The following LYSMD1 variants were observed in gnomAD, a reference collection of about 807,000 sequenced individuals.
LYSMD1 encodes lysM and putative peptidoglycan-binding domain-containing protein 1.
In LYSMD1, 9 loss-of-function variants were observed where a neutral mutation model predicts 19.3. The ratio of observed to expected loss-of-function variants is 0.47; its 90% CI spans 0.28 to 0.81. The LOEUF is 0.81. Ranked by LOEUF, LYSMD1 falls within the 40% of genes least tolerant of loss-of-function variation. LYSMD1 has a pLI of 0.11. For synonymous variants in LYSMD1, 111 were observed against 111.7 expected (o/e 0.99, Z 0.04); for missense variants, 262 against 279.8 (o/e 0.94, Z 0.45).
At position 151,165,084 on chromosome 1, in the gene LYSMD1, C is replaced by G; in HGVS notation, c.175G>C (p.Val59Leu). ...TLAGLALKYG[V>L]TMEQIKRANR... The stretch of plus-strand genomic sequence containing the variant: ...CCCAATCCTGGAAAACTCACCGTCA[C>G]CCCATATTTGAGTGCTAGTCCAGCC... Residue 59 changes from valine to leucine, a missense_variant, in exon 1 of 3, where the codon GTG (valine) becomes CTG (leucine). Coordinates refer to ENST00000368908, the MANE Select transcript of LYSMD1 (RefSeq NM_212551.5). The G allele has an allele frequency of 6.2e-7, 1 of 1,613,898 alleles. No individual in the cohort carries two copies. The highest frequency in any genetic ancestry group is 8.5e-7 in the Non-Finnish European group (1 of 1,179,826).
chr1:151,158,762 C>T (rs777732715), downstream of LYSMD1: 25 of 1,613,494 alleles, frequency 1.5e-5, no homozygotes, highest in East Asian at 2.0e-4. Flanking sequence ...AGTAAGATGG[C>T]GGGTCGCTCT....
At chr1:151,163,980 C>G (rs587757267) in intron 1 of LYSMD1, among the ~76,000 whole-genome samples, 1 of 151,710 alleles carries the variant, frequency 6.6e-6, no homozygotes, top group Non-Finnish European at 1.5e-5. Flanking sequence ...CGCAACCTCC[C>G]CCTCCTGGGT....
At chr1:151,158,997 G>A (rs1683337092), downstream of LYSMD1, 9 of 1,614,280 alleles carry the variant, frequency 5.6e-6, no homozygotes, top group Non-Finnish European at 6.8e-6. Flanking sequence ...GTGCCATGAC[G>A]GCACTTAGCT....
downstream of LYSMD1, among the ~76,000 whole-genome samples, chr1:151,154,832 G>A (rs1243454770): frequency 6.6e-6 from 1 of 152,068 alleles, no homozygotes; most frequent in African/African-American, 2.4e-5. Context: ...TTTTAGTAGA[G>A]ATGGGGTTTC....
At position 151,162,003 on chromosome 1, in the gene LYSMD1, A is replaced by G. The variant is rs755982668; in HGVS notation, c.278T>C (p.Leu93Pro). The change falls in exon 2 of 3, where the codon CTG becomes CCG. Residue 93 changes from leucine (L) to proline (P), a missense_variant. Transcript: ENST00000368908. ...TTCCTCAGAGTCCAAACCATTGAACAGGTCTCTGGGCTCTGTCAGGATGGG... is the reference window on the plus strand; with the variant it reads ...TTCCTCAGAGTCCAAACCATTGAACGGGTCTCTGGGCTCTGTCAGGATGGG... The part of the protein sequence containing the change: ...YIPILTEPRD[L>P]FNGLDSEEEK... 1 of 1,613,900 alleles carries G rather than the reference A, an allele frequency of 6.2e-7. No individual in the cohort carries two copies. Among genetic ancestry groups the G allele is most frequent in the African/African-American group, 1.3e-5 (1 of 74,882 alleles).
chr1:151,164,655 A>G (rs1267538551), intron 1 of LYSMD1, among the ~76,000 whole-genome samples: 1 of 152,208 alleles, frequency 6.6e-6, no homozygotes, highest in East Asian at 1.9e-4. Flanking sequence ...GTAAACGTTT[A>G]ATCACTCTCA....
At chr1:151,157,342 G>A (rs1683258987), downstream of LYSMD1, among the ~76,000 whole-genome samples, 1 of 152,226 alleles carries the variant, frequency 6.6e-6, no homozygotes, top group African/African-American at 2.4e-5. Flanking sequence ...TTGGTTTGGG[G>A]GAGAGGGCGA....
In LYSMD1 at chr1:151,163,414, A is replaced by G. The variant is rs587600010; in HGVS notation, c.181-1314T>C. 2.6e-5 allele frequency among the ~76,000 whole-genome samples: 4 copies of G among 152,230 alleles called. No individual in the cohort carries two copies. In the South Asian group the frequency reaches 8.3e-4, roughly 32 times the overall value. On this transcript the variant is annotated intron_variant, in intron 1 of 2. Coordinates refer to ENST00000368908, the MANE Select transcript of LYSMD1 (RefSeq NM_212551.5). ...CATCCTACAGACCTTGACACATAGC[A>G]GGGGCTCATTAATGCTTTATTTAAA...
chr1:151,156,917 C>G (rs947444389), downstream of LYSMD1, among the ~76,000 whole-genome samples: 1 of 152,022 alleles, frequency 6.6e-6, no homozygotes, highest in Non-Finnish European at 1.5e-5. Context: ...GCGGTGGGGG[C>G]AGGGCTGAGG....
chr1:151,163,583 T>C (rs1001861457), intron 1 of LYSMD1, among the ~76,000 whole-genome samples: 2 of 152,040 alleles, frequency 1.3e-5, no homozygotes, highest in African/African-American at 4.8e-5. Flanking sequence ...GCCTGGAGTG[T>C]AGTGGCGCGA....
rs1302790596 is a variant in LYSMD1 at position 151,165,395 on chromosome 1, C to T, written c.-137G>A. 3 of 1,451,060 alleles carry T rather than the reference C, an allele frequency of 2.1e-6. No individual in the cohort carries two copies. The highest frequency in any genetic ancestry group is 2.7e-6 in the Non-Finnish European group (3 of 1,105,414). The allele number at this position is 1,451,060 out of a possible 1,614,324, so 89.9% of individuals were successfully genotyped here. On this transcript the variant is annotated 5_prime_UTR_variant, in exon 1 of 3. Coordinates refer to ENST00000368908, the MANE Select transcript of LYSMD1 (RefSeq NM_212551.5). ...CTCTTCCCCTGTGTCCCCGCCTCCC[C>T]AGCACTACGCCATCTGCCCCCTCCC...
At chr1:151,163,624 G>A (rs1248914557) in intron 1 of LYSMD1, among the ~76,000 whole-genome samples, 9 of 151,992 alleles carry the variant, frequency 5.9e-5, no homozygotes, top group Non-Finnish European at 1.3e-4. Context: ...CGCTTCCCCA[G>A]CTCAAGTGAT....
the LYSMD1 span, among the ~76,000 whole-genome samples, chr1:151,151,309 C>G: frequency 2.6e-5 from 4 of 151,872 alleles, no homozygotes; most frequent in Non-Finnish European, 5.9e-5. Context: ...CCTGCCTCAG[C>G]CTCCAGAGTA....
chr1:151,158,754 T>C (rs988036960), downstream of LYSMD1: 25 of 1,613,434 alleles, frequency 1.5e-5, no homozygotes, highest in Non-Finnish European at 2.0e-5. Flanking sequence ...AGCTACTGAG[T>C]AAGATGGCGG....
downstream of LYSMD1, among the ~76,000 whole-genome samples, chr1:151,155,261 C>A (rs1188212087): frequency 6.6e-6 from 1 of 152,200 alleles, no homozygotes; most frequent in Non-Finnish European, 1.5e-5. Context: ...ATCTATCTTT[C>A]CAAGTCTACC....
At chr1:151,150,150 C>G in the LYSMD1 span, among the ~76,000 whole-genome samples, 1 of 152,136 alleles carries the variant, frequency 6.6e-6, no homozygotes, top group Non-Finnish European at 1.5e-5. Flanking sequence ...GAGGCAGAGT[C>G]TCATTGTGTT....
chr1:151,150,160 T>C, the LYSMD1 span, among the ~76,000 whole-genome samples: 1 of 152,170 alleles, frequency 6.6e-6, no homozygotes, highest in Non-Finnish European at 1.5e-5. Context: ...CTCATTGTGT[T>C]GCCCAGGCTG....
the LYSMD1 span, among the ~76,000 whole-genome samples, chr1:151,153,450 C>G: frequency 4.0e-5 from 6 of 151,724 alleles, no homozygotes; most frequent in Admixed American, 1.3e-4. Flanking sequence ...GTCAGGAGTT[C>G]GAGACCAGCC....
intron 1 of LYSMD1, 25 bp downstream of exon 1, chr1:151,165,054 T>G (rs755250964): frequency 6.2e-7 from 1 of 1,605,614 alleles, no homozygotes; most frequent in Admixed American, 1.7e-5. Flanking sequence ...GACTGTTGTC[T>G]TCACCCCAAT....
Sources: gnomAD v4.1 joint callset for allele counts (sites outside exome capture counted in the v4.1 genomes callset) on GRCh38, gnomAD v4.1.1 for gene constraint, MANE v1.5 for transcripts, NCBI Gene and HGNC (gene_info 2026-07-23, HGNC 2026-07-21) for gene names.